PPHLN1: variants seen among roughly 807,000 people sequenced by gnomAD.
PPHLN1 encodes the protein periphilin 1, also known as periphilin-1.
Under a neutral mutation model 51.3 loss-of-function variants are expected in PPHLN1, and 29 were observed. That is an observed-to-expected ratio of 0.57 (90% CI 0.42 to 0.77). The LOEUF (loss-of-function observed/expected upper bound fraction) is 0.77, where lower values mean the gene tolerates loss of function less well. Ranked by LOEUF, PPHLN1 falls within the 30% of genes least tolerant of loss-of-function variation. PPHLN1 has a pLI of 0.00. For synonymous variants in PPHLN1, 147 were observed against 147.8 expected, an observed-to-expected ratio of 0.99 and a Z score of 0.04; for missense variants, 436 against 438.4, an observed-to-expected ratio of 0.99 and a Z score of 0.05.
At chr12:42,406,695 TA>T (rs1227494477) in intron 9 of PPHLN1, among the ~76,000 whole-genome samples, 1 of 152,192 alleles carries the variant, frequency 6.6e-6, no homozygotes, top group Non-Finnish European at 1.5e-5. Flanking sequence ...GTGTTGTGGA[TA>T]TTTTTCCCAT....
chr12:42,395,273 T>G (rs548952866), intron 8 of PPHLN1, among the ~76,000 whole-genome samples: 3 of 152,216 alleles, frequency 2.0e-5, no homozygotes, highest in Admixed American at 1.3e-4. Flanking sequence ...GTCAGACGTG[T>G]TCTTTTGTTG....
chr12:42,382,344 C>T (rs1258469596), intron 5 of PPHLN1, among the ~76,000 whole-genome samples: 2 of 152,114 alleles, frequency 1.3e-5, no homozygotes, highest in African/African-American at 4.8e-5. Context: ...TTCTTTCACT[C>T]ATCAATATAT....
At chr12:42,403,166 T>TAATAGAAACATA (rs2078989607) in intron 9 of PPHLN1, among the ~76,000 whole-genome samples, 1 of 152,232 alleles carries the variant, frequency 6.6e-6, no homozygotes, top group Non-Finnish European at 1.5e-5. Context: ...AAACATTCTT[T>TAATAGAAACATA]GTTTTTCCTT....
At chr12:42,445,866 A>G (rs2083286194), downstream of PPHLN1, 1 of 1,340,224 alleles carries the variant, frequency 7.5e-7, no homozygotes, top group Middle Eastern at 1.9e-4. Flanking sequence ...ACCTCTCCAG[A>G]CATAAAACTG....
chr12:42,416,949 T>C (rs2080442635), intron 9 of PPHLN1, among the ~76,000 whole-genome samples: 1 of 152,232 alleles, frequency 6.6e-6, no homozygotes. Flanking sequence ...AAAAAGTGTT[T>C]GAATTCTATG....
rs532190781 is a variant in PPHLN1 at position 42,376,516 on chromosome 12, G to A, written c.511+1442G>A. Among the ~76,000 whole-genome samples, 13 of 152,318 alleles carry A rather than the reference G, an allele frequency of 8.5e-5. No homozygotes were observed. The East Asian group carries it at 2.5e-3, about 29-fold the overall frequency. ...TTAAAACAAACACAGGCTGGGCACA[G>A]CAGCTCATGCCTGTAATCCTTGCAC... On this transcript the variant is annotated intron_variant, in intron 5 of 9. Coordinates refer to ENST00000358314, the MANE Select transcript of PPHLN1 (RefSeq NM_201439.2).
At chr12:42,439,863 CCTTTTTTT>C (rs1387771501) in intron 9 of PPHLN1, among the ~76,000 whole-genome samples, 1 of 152,004 alleles carries the variant, frequency 6.6e-6, no homozygotes, top group African/African-American at 2.4e-5. Context: ...TGACTTTTTT[CCTTTTTTT>C]CTTCAATATT....
chr12:42,385,449 T>C (rs971935276), intron 6 of PPHLN1, among the ~76,000 whole-genome samples: 1 of 152,188 alleles, frequency 6.6e-6, no homozygotes, highest in Non-Finnish European at 1.5e-5. Flanking sequence ...CACATGAAAT[T>C]GGTTGATAAC....
chr12:42,445,932 A>G, downstream of PPHLN1: 2 of 1,454,782 alleles, frequency 1.4e-6, no homozygotes, highest in South Asian at 1.5e-5. Context: ...ATGTTTTGCT[A>G]ACATGGGGAA....
chr12:42,383,448 A>AGG (rs1348611205), intron 5 of PPHLN1, among the ~76,000 whole-genome samples: 1 of 152,258 alleles, frequency 6.6e-6, no homozygotes, highest in East Asian at 1.9e-4. Flanking sequence ...ATAAACACTT[A>AGG]ATAAAATAGG....
chr12:42,427,177 A>G (rs375251344), intron 9 of PPHLN1, among the ~76,000 whole-genome samples: 14 of 152,162 alleles, frequency 9.2e-5, no homozygotes, highest in African/African-American at 3.1e-4. Context: ...AGACTGGACT[A>G]CCTCATCTGT....
intron 4 of PPHLN1, among the ~76,000 whole-genome samples, chr12:42,373,886 G>A (rs564964789): frequency 2.6e-5 from 4 of 152,232 alleles, no homozygotes; most frequent in African/African-American, 9.6e-5. Context: ...GAATTTAATA[G>A]GTATATAGCA....
chr12:42,384,167 T>G (rs2077001174), intron 5 of PPHLN1, among the ~76,000 whole-genome samples: 1 of 152,016 alleles, frequency 6.6e-6, no homozygotes, highest in Admixed American at 6.6e-5. Flanking sequence ...ATGGCAATAT[T>G]TTCATGATGT....
intron 4 of PPHLN1, among the ~76,000 whole-genome samples, chr12:42,358,319 A>G (rs891036107): frequency 3.3e-5 from 5 of 152,184 alleles, no homozygotes; most frequent in Non-Finnish European, 5.9e-5. Context: ...AGCCATGATA[A>G]CATCTTGGTA....
At chr12:42,409,486 A>G (rs1434055533) in intron 9 of PPHLN1, among the ~76,000 whole-genome samples, 1 of 152,154 alleles carries the variant, frequency 6.6e-6, no homozygotes, top group Non-Finnish European at 1.5e-5. Flanking sequence ...AGTCTTTAAA[A>G]TATATAACAG....
intron 4 of PPHLN1, among the ~76,000 whole-genome samples, chr12:42,362,016 T>C (rs1280605458): frequency 1.3e-5 from 2 of 152,230 alleles, no homozygotes; most frequent in Non-Finnish European, 2.9e-5. Flanking sequence ...AGTTCCCAGT[T>C]GCTCCACGTT....
chr12:42,444,911 T>A (rs1276540032), downstream of PPHLN1: 5 of 601,558 alleles, frequency 8.3e-6, no homozygotes, highest in African/African-American at 1.9e-5. Context: ...GGAAACCACA[T>A]AACTCCCTCA....
chr12:42,369,361 C>T (rs985770859), intron 4 of PPHLN1, among the ~76,000 whole-genome samples: 4 of 152,126 alleles, frequency 2.6e-5, no homozygotes, highest in Admixed American at 2.6e-4. Flanking sequence ...TGGTTTTAAA[C>T]TCTTAGAGAC....
rs1344639464 is a variant in PPHLN1, at chr12:42,381,575, A to G, written c.512-3365A>G. 2.6e-5 allele frequency among the ~76,000 whole-genome samples: 4 copies of G among 152,182 alleles called. No individual in the cohort carries two copies. In the South Asian group the frequency reaches 8.3e-4, roughly 31 times the overall value. On this transcript the variant is annotated intron_variant, in intron 5 of 9. Transcript: ENST00000358314. ...TCTTGAGGGAAGCAGAGGTGATGCA[A>G]TGCTTTCTCTGCCCCTCTACCTGTT...
Sources: allele counts gnomAD v4.1 joint callset (sites outside exome capture counted in the v4.1 genomes callset), GRCh38; gene constraint gnomAD v4.1.1; transcripts MANE v1.5; gene names NCBI Gene and HGNC (gene_info 2026-07-23, HGNC 2026-07-21).